KIF1B: variants seen among roughly 807,000 people sequenced by gnomAD.
KIF1B encodes the protein kinesin-like protein KIF1B.
Under a neutral mutation model 241.9 loss-of-function variants are expected in KIF1B, and 76 were observed. The observed-to-expected ratio is 0.31, with a 90% CI of 0.26 to 0.38. The LOEUF (loss-of-function observed/expected upper bound fraction) is 0.38, where lower values mean the gene tolerates loss of function less well. Ranked by LOEUF, KIF1B falls within the 10% of genes least tolerant of loss-of-function variation. The pLI is 1.00. For synonymous variants in KIF1B, 750 were observed against 796.7 expected (o/e 0.94, Z 0.99); for missense variants, 1,622 against 2,271.4 (o/e 0.71, Z 5.81).
chr1:10,372,556 T>G (rs1170680290), intron 45 of KIF1B, among the ~76,000 whole-genome samples: 1 of 150,344 alleles, frequency 6.7e-6, no homozygotes, highest in East Asian at 2.0e-4. Context: ...CATGTACCTG[T>G]AATCCCAGCT....
chr1:10,361,601 C>CTGGGACTCG, intron 39 of KIF1B, 91 bp from the exon 40 acceptor site: 8 of 1,513,404 alleles, frequency 5.3e-6, no homozygotes, highest in Non-Finnish European at 3.6e-6. Flanking sequence ...GTTCTCACAA[C>CTGGGACTCG]TGGGACTCGC....
chr1:10,378,512 C>T lies in KIF1B; in HGVS notation c.*1925C>T. On this transcript the variant is annotated 3_prime_UTR_variant, in exon 49 of 49. Transcript: ENST00000676179. ...CTTTACTTCCCTTGCTCAGACCTCT[C>T]TGTTTCACCATTGCTCAGGCATTCA... is the stretch of plus-strand genomic sequence containing the variant. 2.8e-6 allele frequency: 2 copies of T among 707,564 alleles called. No individual in the cohort carries two copies. Among genetic ancestry groups the T allele is most frequent in the East Asian group, 2.7e-5 (1 of 37,202 alleles). The allele number at this position is 707,564 out of a possible 1,614,324, so 43.8% of individuals were successfully genotyped here.
intron 1 of KIF1B, among the ~76,000 whole-genome samples, chr1:10,221,877 G>T (rs1646849579): frequency 6.6e-6 from 1 of 152,054 alleles, no homozygotes; most frequent in African/African-American, 2.4e-5. Context: ...GTGCAGTGGT[G>T]CAATCTTGGC....
chr1:10,263,140 C>T (rs1223971605), intron 5 of KIF1B, among the ~76,000 whole-genome samples: 1 of 151,798 alleles, frequency 6.6e-6, no homozygotes, highest in Non-Finnish European at 1.5e-5. Flanking sequence ...AAAAATTAGC[C>T]GGCTGTGGTG....
chr1:10,222,725 C>T (rs537079500), intron 1 of KIF1B, among the ~76,000 whole-genome samples: 1 of 152,228 alleles, frequency 6.6e-6, no homozygotes, highest in South Asian at 2.1e-4. Context: ...GTTTTATTGT[C>T]TCTTTAATGT....
chr1:10,346,035 G>A, intron 35 of KIF1B, 82 bp downstream of exon 35: 1 of 903,862 alleles, frequency 1.1e-6, no homozygotes, highest in East Asian at 2.6e-5. Flanking sequence ...TTGTATTTGG[G>A]TTCATGAATC....
At chr1:10,219,068 T>C (rs1646805437) in intron 1 of KIF1B, among the ~76,000 whole-genome samples, 2 of 152,334 alleles carry the variant, frequency 1.3e-5, no homozygotes, top group African/African-American at 2.4e-5. Flanking sequence ...ATTTTCACTC[T>C]GGTAAAAGAA....
chr1:10,338,862 C>T (rs1295563556), intron 31 of KIF1B, among the ~76,000 whole-genome samples: 1 of 152,222 alleles, frequency 6.6e-6, no homozygotes, highest in Non-Finnish European at 1.5e-5. Context: ...GGATTTGGAG[C>T]ACTTGGCAAA....
At chr1:10,358,196 A>G (rs540194457) in intron 38 of KIF1B, among the ~76,000 whole-genome samples, 32 of 152,106 alleles carry the variant, frequency 2.1e-4, no homozygotes, top group African/African-American at 7.5e-4. Flanking sequence ...TAGTGGAGTC[A>G]AAATTTCCTT....
chr1:10,304,905 G>T, intron 22 of KIF1B: 1 of 1,340,380 alleles, frequency 7.5e-7, no homozygotes, highest in Admixed American at 3.2e-5. Context: ...CTTTTTTAGT[G>T]CCTAATTAAT....
intron 28 of KIF1B, among the ~76,000 whole-genome samples, chr1:10,335,646 T>C (rs915107833): frequency 3.3e-5 from 5 of 152,102 alleles, no homozygotes; most frequent in African/African-American, 7.2e-5. Context: ...TGTTTGTTTT[T>C]TTCTCAGAGT....
chr1:10,370,599 G>T (rs749349922), intron 44 of KIF1B, among the ~76,000 whole-genome samples: 61 of 148,834 alleles, frequency 4.1e-4, no homozygotes, highest in African/African-American at 1.3e-3. Flanking sequence ...ATAATAAGAA[G>T]AAGAAGAAGA....
intron 44 of KIF1B, 85 bp downstream of exon 44, chr1:10,368,623 G>A: frequency 8.1e-7 from 1 of 1,231,884 alleles, no homozygotes; most frequent in South Asian, 1.2e-5. Flanking sequence ...CCTGGTTTTT[G>A]CTGCTTTTAA....
chr1:10,216,512 A>T (rs1188428764), intron 1 of KIF1B, among the ~76,000 whole-genome samples: 1 of 152,082 alleles, frequency 6.6e-6, no homozygotes, highest in African/African-American at 2.4e-5. Context: ...CCAGCCTCAC[A>T]TCATCCCTAC....
At chr1:10,277,470 A>G (rs1034918509) in intron 12 of KIF1B, among the ~76,000 whole-genome samples, 5 of 152,024 alleles carry the variant, frequency 3.3e-5, no homozygotes, top group African/African-American at 9.7e-5. Flanking sequence ...AAGTAGCTAA[A>G]ACTATAGGTG....
chr1:10,217,605 C>T (rs1395321265), intron 1 of KIF1B, among the ~76,000 whole-genome samples: 1 of 152,092 alleles, frequency 6.6e-6, no homozygotes, highest in Non-Finnish European at 1.5e-5. Context: ...GCGTGAGCCA[C>T]CGCACCCAGC....
intron 1 of KIF1B, among the ~76,000 whole-genome samples, chr1:10,226,580 T>C (rs920724175): frequency 1.3e-5 from 2 of 152,206 alleles, no homozygotes; most frequent in African/African-American, 4.8e-5. Flanking sequence ...TCAACAACTA[T>C]CAACATTTTG....
At chr1:10,243,806 T>C (rs926058565) in intron 2 of KIF1B, among the ~76,000 whole-genome samples, 1 of 152,216 alleles carries the variant, frequency 6.6e-6, no homozygotes, top group Non-Finnish European at 1.5e-5. Context: ...ATTTTCTTGA[T>C]GGAGGGAAAT....
chr1:10,285,304 T>C (rs992051086), intron 15 of KIF1B, among the ~76,000 whole-genome samples: 7 of 152,190 alleles, frequency 4.6e-5, no homozygotes, highest in African/African-American at 1.7e-4. Flanking sequence ...ACCTTCCTCT[T>C]GATGTAAAGG....
Sources: gnomAD v4.1 joint callset for allele counts (sites outside exome capture counted in the v4.1 genomes callset) on GRCh38, gnomAD v4.1.1 for gene constraint, MANE v1.5 for transcripts, NCBI Gene and HGNC (gene_info 2026-07-23, HGNC 2026-07-21) for gene names.